Variants in AGPAT4 observed in about 807,000 individuals in gnomAD.
The protein encoded by AGPAT4 is 1-acyl-sn-glycerol-3-phosphate acyltransferase delta.
AGPAT4 carries 15 observed loss-of-function variants against 48.0 expected under a neutral mutation model. The observed-to-expected ratio is 0.31, with a 90% CI of 0.21 to 0.48. The LOEUF (loss-of-function observed/expected upper bound fraction) is 0.48, where lower values mean the gene tolerates loss of function less well. Ranked by LOEUF, AGPAT4 falls within the 20% of genes least tolerant of loss-of-function variation. AGPAT4 has a pLI of 0.99. For missense variants in AGPAT4, 314 were observed against 482.5 expected, an observed-to-expected ratio of 0.65 and a Z score of 3.27; for synonymous variants, 178 against 198.7, an observed-to-expected ratio of 0.90 and a Z score of 0.88.
chr6:161,153,526 C>CG, intron 4 of AGPAT4, 27 bp from the exon 5 acceptor site: 1 of 1,610,900 alleles, frequency 6.2e-7, no homozygotes, highest in African/African-American at 1.3e-5. Flanking sequence ...AGGAGTCGCA[C>CG]GCAGCCTCGG....
At position 161,166,479 on chromosome 6, in the gene AGPAT4, G is replaced by A; in HGVS notation, c.179-62C>T. 2.7e-6 allele frequency: 4 copies of A among 1,506,822 alleles called. No individual in the cohort carries two copies. The Admixed American group carries it at 8.6e-5, about 32-fold the overall frequency. 93.3% of individuals were successfully genotyped at this position (1,506,822 alleles called of 1,614,324 possible). On this transcript the variant is annotated intron_variant, in intron 2 of 8. Coordinates refer to ENST00000320285, the MANE Select transcript of AGPAT4 (RefSeq NM_020133.3). This position sits in a 1 kb window ranked among gnomAD's most constrained non-coding sequence, Gnocchi z 6.7. ...GCAGCCTTGTCCTGGGAGCCCTGCT[G>A]AGAGCAGGGCTCTGCCCTCCCAGCT...
rs1473562353 is a variant in AGPAT4, at chr6:161,208,603, T to C, written c.178+23433A>G. 6.6e-6 allele frequency among the ~76,000 whole-genome samples: 1 copy of C among 152,200 alleles called. No individual in the cohort carries two copies. Among genetic ancestry groups the C allele is most frequent in the Non-Finnish European group, 1.5e-5 (1 of 68,016 alleles). ...AACGATAGCAAAAAAATACTTGCAA[T>C]GAACAACTTGGTTAAAAAAAGGTAA... On this transcript the variant is annotated intron_variant, in intron 2 of 8. Coordinates refer to ENST00000320285, the MANE Select transcript of AGPAT4 (RefSeq NM_020133.3). This position sits in a 1 kb window ranked among gnomAD's most constrained non-coding sequence, Gnocchi z 4.6.
chr6:161,147,985 C>T lies in AGPAT4; in HGVS notation c.767+1202G>A, dbSNP rs551796813. On this transcript the variant is annotated intron_variant, in intron 6 of 8. Coordinates refer to ENST00000320285, the MANE Select transcript of AGPAT4 (RefSeq NM_020133.3). The surrounding 1 kb of genome is among the most constrained non-coding windows in gnomAD (Gnocchi z 4.8). Reference sequence around the variant, plus strand: ...GGGTGATCTGGCTTCGGTGAGTGAACGTGCCAGTACCATTTTTGGGCTGAT... The same window carrying T: ...GGGTGATCTGGCTTCGGTGAGTGAATGTGCCAGTACCATTTTTGGGCTGAT... Among the ~76,000 whole-genome samples, 10 of 152,286 alleles carry T rather than the reference C, an allele frequency of 6.6e-5. No individual in the cohort carries two copies. Among genetic ancestry groups the T allele is most frequent in the Admixed American group, 2.6e-4 (4 of 15,298 alleles).
intron 2 of AGPAT4, among the ~76,000 whole-genome samples, chr6:161,185,528 G>C (rs568622119): frequency 9.2e-5 from 14 of 152,108 alleles, no homozygotes; most frequent in African/African-American, 3.4e-4. Flanking sequence ...ACAATGTCTG[G>C]AATTCAATTT....
rs562890651 is a variant in AGPAT4 at position 161,246,559 on chromosome 6, G to A, written c.-89-14257C>T. On this transcript the variant is annotated intron_variant, in intron 1 of 8. Coordinates refer to ENST00000320285, the MANE Select transcript of AGPAT4 (RefSeq NM_020133.3). This position sits in a 1 kb window ranked among gnomAD's most constrained non-coding sequence, Gnocchi z 5.5. ...CGAGTAGCTGGGATTACAGGCATGCGCCACCACGCCCAGCTAATTTTGTAT... is the reference window on the plus strand; with the variant it reads ...CGAGTAGCTGGGATTACAGGCATGCACCACCACGCCCAGCTAATTTTGTAT... 4.6e-5 allele frequency among the ~76,000 whole-genome samples: 7 copies of A among 152,150 alleles called. No individual in the cohort carries two copies. Among genetic ancestry groups the A allele is most frequent in the Non-Finnish European group, 7.4e-5 (5 of 68,002 alleles).
At position 161,201,926 on chromosome 6, in the gene AGPAT4, T is replaced by C. The variant is rs903836562; in HGVS notation, c.178+30110A>G. ...AATGTTCACATTAGATGTGTGAACT[T>C]TGATATGCCAAGTAGGATGCCAGTA... On this transcript the variant is annotated intron_variant, in intron 2 of 8. Transcript: ENST00000320285. This position sits in a 1 kb window ranked among gnomAD's most constrained non-coding sequence, Gnocchi z 6.0. Among the ~76,000 whole-genome samples, 1 of 152,194 alleles carries C rather than the reference T, an allele frequency of 6.6e-6. No homozygotes were observed.
chr6:161,190,195 T>C (rs755733458), intron 2 of AGPAT4, among the ~76,000 whole-genome samples: 1 of 152,188 alleles, frequency 6.6e-6, no homozygotes, highest in Non-Finnish European at 1.5e-5. Flanking sequence ...GGACATTGTC[T>C]TCATGGGCAC....
In AGPAT4 at chr6:161,251,842, G is replaced by A. The variant is rs938966534; in HGVS notation, c.-89-19540C>T. Among the ~76,000 whole-genome samples the A allele has an allele frequency of 1.3e-5, 2 of 152,188 alleles. No homozygotes were observed. The highest frequency in any genetic ancestry group is 2.9e-5 in the Non-Finnish European group (2 of 68,030). ...GGAACAAAAGCAGAGAGGGGGAGCA[G>A]CCATTTAGATTCTTCTAAAGGGATA... is the stretch of plus-strand genomic sequence containing the variant. On this transcript the variant is annotated intron_variant, in intron 1 of 8. Coordinates refer to ENST00000320285, the MANE Select transcript of AGPAT4 (RefSeq NM_020133.3). The surrounding 1 kb of genome is among the most constrained non-coding windows in gnomAD (Gnocchi z 4.6).
intron 5 of AGPAT4, among the ~76,000 whole-genome samples, chr6:161,152,582 C>G (rs1464264771): frequency 6.6e-6 from 1 of 152,094 alleles, no homozygotes; most frequent in Non-Finnish European, 1.5e-5. Context: ...AGTTCGGGGC[C>G]CCCTGCCCTT....
At chr6:161,258,120 A>C (rs1028742262) in intron 1 of AGPAT4, among the ~76,000 whole-genome samples, 3 of 152,266 alleles carry the variant, frequency 2.0e-5, no homozygotes, top group Non-Finnish European at 4.4e-5. Flanking sequence ...CTCAACTTTT[A>C]AAAACAAGGA....
intron 1 of AGPAT4, among the ~76,000 whole-genome samples, chr6:161,237,989 C>T (rs776715071): frequency 6.9e-6 from 1 of 145,552 alleles, no homozygotes; most frequent in African/African-American, 2.5e-5. Flanking sequence ...AAGCACCAGA[C>T]AAGAGAAATT....
At position 161,134,267 on chromosome 6, in the gene AGPAT4, G is replaced by C. The variant is rs978368565; in HGVS notation, c.*2273C>G. 7.9e-5 allele frequency: 12 copies of C among 152,158 alleles called. No individual in the cohort carries two copies. The highest frequency in any genetic ancestry group is 2.9e-4 in the African/African-American group (12 of 41,440). The allele number at this position is 152,158 out of a possible 1,614,324, so 9.4% of individuals were successfully genotyped here. ...TGGAACCCAAGGCCCTAGCAGGCAG[G>C]CTGTTTGCTTGCTTGTGTGTTGTGT... On this transcript the variant is annotated 3_prime_UTR_variant, in exon 9 of 9. Transcript: ENST00000320285.
At chr6:161,273,159 G>T (rs1323020117) in intron 1 of AGPAT4, among the ~76,000 whole-genome samples, 1 of 152,196 alleles carries the variant, frequency 6.6e-6, no homozygotes, top group African/African-American at 2.4e-5. Flanking sequence ...ATCTTAAGAA[G>T]TGTTTAGGTT....
At position 161,180,261 on chromosome 6, in the gene AGPAT4, A is replaced by T. The variant is rs1780546189; in HGVS notation, c.179-13844T>A. Reference sequence around the variant, plus strand: ...AAGGCTCCTGCTCCTTCCTCGCTCCAGTGGGTGGGCCCAGCTCCTCTCTGC... The same window carrying T: ...AAGGCTCCTGCTCCTTCCTCGCTCCTGTGGGTGGGCCCAGCTCCTCTCTGC... On this transcript the variant is annotated intron_variant, in intron 2 of 8. Transcript: ENST00000320285. The surrounding 1 kb of genome is among the most constrained non-coding windows in gnomAD (Gnocchi z 6.4). Among the ~76,000 whole-genome samples, 1 of 152,158 alleles carries T rather than the reference A, an allele frequency of 6.6e-6. No homozygotes were observed. The highest frequency in any genetic ancestry group is 2.4e-5 in the African/African-American group (1 of 41,460).
At position 161,221,263 on chromosome 6, in the gene AGPAT4, G is replaced by A. The variant is rs1022771744; in HGVS notation, c.178+10773C>T. 2.0e-5 allele frequency among the ~76,000 whole-genome samples: 3 copies of A among 152,100 alleles called. No individual in the cohort carries two copies. The highest frequency in any genetic ancestry group is 7.2e-5 in the African/African-American group (3 of 41,398). On this transcript the variant is annotated intron_variant, in intron 2 of 8. Transcript: ENST00000320285. The surrounding 1 kb of genome is among the most constrained non-coding windows in gnomAD (Gnocchi z 4.5). ...GAGTGGGGCAACTGGCCCCAGATGAGGTTCCTACACAGTTTATATACAGTT... is the reference window on the plus strand; with the variant it reads ...GAGTGGGGCAACTGGCCCCAGATGAAGTTCCTACACAGTTTATATACAGTT...
At chr6:161,256,637 G>A (rs1364332078) in intron 1 of AGPAT4, among the ~76,000 whole-genome samples, 4 of 152,200 alleles carry the variant, frequency 2.6e-5, no homozygotes, top group Non-Finnish European at 5.9e-5. Context: ...AAGCAGGCTC[G>A]GGAGGCAGAG....
rs955544581 is a variant in AGPAT4, at chr6:161,195,764, G to T, written c.179-29347C>A. 2.0e-5 allele frequency among the ~76,000 whole-genome samples: 3 copies of T among 152,228 alleles called. No homozygotes were observed. Among genetic ancestry groups the T allele is most frequent in the Non-Finnish European group, 2.9e-5 (2 of 68,044 alleles). ...CATGCAGAGAACCTGGAGACATTTA[G>T]GGAGGCATGCCACACCCTCGGGGCT... On this transcript the variant is annotated intron_variant, in intron 2 of 8. Transcript: ENST00000320285. The surrounding 1 kb of genome is among the most constrained non-coding windows in gnomAD (Gnocchi z 5.0).
rs143168765 is a variant in AGPAT4, at chr6:161,194,690, G to A, written c.179-28273C>T. Among the ~76,000 whole-genome samples, 656 of 151,932 alleles carry A rather than the reference G, an allele frequency of 4.3e-3. 10 individuals carry two copies. The highest frequency in any genetic ancestry group is 0.015 in the African/African-American group (623 of 41,436). Reference sequence around the variant, plus strand: ...TGTGTATAGATGCGTAGGTATGTATGTATGTATTGTGTGTGCGTATGTATG... The same window carrying A: ...TGTGTATAGATGCGTAGGTATGTATATATGTATTGTGTGTGCGTATGTATG... On this transcript the variant is annotated intron_variant, in intron 2 of 8. Coordinates refer to ENST00000320285, the MANE Select transcript of AGPAT4 (RefSeq NM_020133.3).
At chr6:161,193,676 C>T (rs997064647) in intron 2 of AGPAT4, among the ~76,000 whole-genome samples, 26 of 152,190 alleles carry the variant, frequency 1.7e-4, no homozygotes, top group African/African-American at 4.8e-5. Context: ...CTGTTAGACT[C>T]CAAGGCAGAC....
Sources: allele counts gnomAD v4.1 joint callset (sites outside exome capture counted in the v4.1 genomes callset), GRCh38; gene constraint gnomAD v4.1.1; non-coding constraint Gnocchi (gnomAD v3.1); transcripts MANE v1.5; gene names NCBI Gene and HGNC (gene_info 2026-07-23, HGNC 2026-07-21).